DGKB: variants seen among roughly 807,000 people sequenced by gnomAD.
The protein encoded by DGKB is diacylglycerol kinase beta.
Under a neutral mutation model 114.3 loss-of-function variants are expected in DGKB, and 67 were observed. That is an observed-to-expected ratio of 0.59 (90% CI 0.48 to 0.72). The LOEUF is 0.72. Among genes scored for constraint, DGKB ranks in the 30% least tolerant of loss-of-function variants. The pLI, the probability that DGKB is intolerant of heterozygous loss-of-function variation, is 0.00. For missense variants in DGKB, 907 were observed against 975.2 expected, an observed-to-expected ratio of 0.93 and a Z score of 0.93; for synonymous variants, 398 against 323.1, an observed-to-expected ratio of 1.23 and a Z score of -2.49.
chr7:14,876,624 G>C (rs1015118765), intron 1 of DGKB, among the ~76,000 whole-genome samples: 7 of 152,116 alleles, frequency 4.6e-5, no homozygotes, highest in African/African-American at 1.4e-4. Flanking sequence ...GTTTTATATT[G>C]TTGTTTTTAC....
In DGKB at chr7:14,844,644, C is replaced by T. The variant is rs540786474; in HGVS notation, c.-187-3194G>A. Reference sequence around the variant, plus strand: ...CTCGCTCCCTGAGCTCTCTCCCTTTCTTAACATGGCCATTTCCCAAACCCC... The same window carrying T: ...CTCGCTCCCTGAGCTCTCTCCCTTTTTTAACATGGCCATTTCCCAAACCCC... On this transcript the variant is annotated intron_variant, in intron 1 of 25. Coordinates refer to ENST00000402815, the MANE Select transcript of DGKB (RefSeq NM_001350709.2). Among the ~76,000 whole-genome samples, 11 of 152,304 alleles carry T rather than the reference C, an allele frequency of 7.2e-5. No individual in the cohort carries two copies. The East Asian group carries it at 2.1e-3, about 29-fold the overall frequency.
chr7:14,220,228 T>C (rs1370840221), intron 23 of DGKB, among the ~76,000 whole-genome samples: 1 of 151,620 alleles, frequency 6.6e-6, no homozygotes, highest in East Asian at 1.9e-4. Flanking sequence ...AATTAAGTTA[T>C]TATTATCTTA....
At chr7:14,263,787 A>T in intron 23 of DGKB, among the ~76,000 whole-genome samples, 1 of 918 alleles carries the variant, frequency 1.1e-3, no homozygotes, top group Admixed American at 7.7e-3. Flanking sequence ...CCCTTAGGCA[A>T]ATCATTTTTT....
rs141723316 is a variant in DGKB, at chr7:14,377,329, A to G, written c.1836-31938T>C. Among the ~76,000 whole-genome samples, 747 of 152,312 alleles carry G rather than the reference A, an allele frequency of 4.9e-3. 4 individuals carry two copies. Among genetic ancestry groups the G allele is most frequent in the African/African-American group, 0.017 (701 of 41,578 alleles). Reference sequence around the variant, plus strand: ...GTTTCATTAATTTAACAATCACTCAATGTCATATCTATTATAATGTACTAA... The same window carrying G: ...GTTTCATTAATTTAACAATCACTCAGTGTCATATCTATTATAATGTACTAA... On this transcript the variant is annotated intron_variant, in intron 21 of 25. Transcript: ENST00000402815.
At chr7:14,894,726 T>G (rs908652622) in intron 1 of DGKB, among the ~76,000 whole-genome samples, 1 of 151,472 alleles carries the variant, frequency 6.6e-6, no homozygotes, top group Non-Finnish European at 1.5e-5. Context: ...AAAAAAGCAT[T>G]AATAGCTCTA....
chr7:14,792,774 T>G (rs1840857007), intron 2 of DGKB, among the ~76,000 whole-genome samples: 1 of 152,202 alleles, frequency 6.6e-6, no homozygotes, highest in South Asian at 2.1e-4. Context: ...GTATGATTAT[T>G]ATCCCCTGAC....
intron 20 of DGKB, among the ~76,000 whole-genome samples, chr7:14,479,889 A>G (rs1459727134): frequency 6.6e-6 from 1 of 152,098 alleles, no homozygotes; most frequent in Non-Finnish European, 1.5e-5. Context: ...CATTCAGCAG[A>G]CTAGTTAAAC....
intron 23 of DGKB, among the ~76,000 whole-genome samples, chr7:14,182,556 C>T (rs1176867160): frequency 2.0e-5 from 3 of 152,050 alleles, no homozygotes; most frequent in East Asian, 1.9e-4. Context: ...GTAAGGAACC[C>T]TACTTTAGAA....
intron 13 of DGKB, among the ~76,000 whole-genome samples, chr7:14,634,159 AT>A (rs1051862419): frequency 6.6e-6 from 1 of 150,872 alleles, no homozygotes; most frequent in Non-Finnish European, 1.5e-5. Context: ...TTATATATAT[AT>A]TTTACATTTA....
chr7:14,891,465 C>A (rs374105185), intron 1 of DGKB, among the ~76,000 whole-genome samples: 1 of 151,262 alleles, frequency 6.6e-6, no homozygotes, highest in South Asian at 2.1e-4. Flanking sequence ...GCAAGTAAAG[C>A]GGAAAAGCAG....
chr7:14,883,599 A>G (rs1266246556), intron 1 of DGKB, among the ~76,000 whole-genome samples: 1 of 152,050 alleles, frequency 6.6e-6, no homozygotes, highest in East Asian at 1.9e-4. Flanking sequence ...GCTGGAGTGT[A>G]CACTCAGAGC....
intron 21 of DGKB, among the ~76,000 whole-genome samples, chr7:14,366,710 G>T (rs1816735232): frequency 6.6e-6 from 1 of 151,900 alleles, no homozygotes; most frequent in Non-Finnish European, 1.5e-5. Flanking sequence ...GGGATTTTAT[G>T]GCATCTAATA....
At chr7:14,883,824 T>C (rs1854608716) in intron 1 of DGKB, among the ~76,000 whole-genome samples, 3 of 152,010 alleles carry the variant, frequency 2.0e-5, no homozygotes, top group Non-Finnish European at 2.9e-5. Context: ...AAGAAGCACA[T>C]ATACATTTTT....
chr7:14,711,601 A>G (rs942426342), intron 6 of DGKB, among the ~76,000 whole-genome samples: 5 of 152,158 alleles, frequency 3.3e-5, no homozygotes, highest in Admixed American at 1.3e-4. Context: ...GGAGCTGGAG[A>G]AAATATGTAC....
chr7:14,345,940 A>G (rs1448207978), intron 21 of DGKB, among the ~76,000 whole-genome samples: 1 of 151,284 alleles, frequency 6.6e-6, no homozygotes, highest in Non-Finnish European at 1.5e-5. Context: ...AATTAAATTT[A>G]TTATCACTTA....
chr7:14,297,373 A>G (rs915248603), intron 23 of DGKB, among the ~76,000 whole-genome samples: 1 of 152,200 alleles, frequency 6.6e-6, no homozygotes, highest in Non-Finnish European at 1.5e-5. Flanking sequence ...AGTCAGTTGC[A>G]TCCCTGGGAT....
chr7:14,645,187 G>T (rs1422829909), intron 13 of DGKB, among the ~76,000 whole-genome samples: 2 of 152,008 alleles, frequency 1.3e-5, no homozygotes, highest in African/African-American at 2.4e-5. Context: ...CTCACAAATG[G>T]CTACCTGTTT....
intron 13 of DGKB, among the ~76,000 whole-genome samples, chr7:14,655,902 G>T (rs1181634102): frequency 6.6e-6 from 1 of 151,644 alleles, no homozygotes; most frequent in Non-Finnish European, 1.5e-5. Flanking sequence ...GGCAAAGAGA[G>T]AAGTTGGTTA....
intron 1 of DGKB, among the ~76,000 whole-genome samples, chr7:14,910,140 C>A (rs1035356214): frequency 2.0e-5 from 3 of 151,710 alleles, no homozygotes; most frequent in African/African-American, 7.3e-5. Flanking sequence ...ACTTGGGAGG[C>A]TGAGGCAGGA....
Sources: gnomAD v4.1 joint callset for allele counts (sites outside exome capture counted in the v4.1 genomes callset) on GRCh38, gnomAD v4.1.1 for gene constraint, MANE v1.5 for transcripts, NCBI Gene and HGNC (gene_info 2026-07-23, HGNC 2026-07-21) for gene names.